Variants in MAP2K1 observed in about 807,000 individuals in gnomAD.
MAP2K1 encodes the protein mitogen-activated protein kinase kinase 1.
Under a neutral mutation model 46.3 loss-of-function variants are expected in MAP2K1, and 16 were observed. The ratio of observed to expected loss-of-function variants is 0.35; its 90% confidence interval spans 0.23 to 0.52. MAP2K1 has a LOEUF of 0.52. MAP2K1 is among the 20% of genes least tolerant of loss of function. The pLI, the probability that MAP2K1 is intolerant of heterozygous loss-of-function variation, is 0.94. For synonymous variants in MAP2K1, 183 were observed against 185.6 expected (o/e 0.99, Z 0.11); for missense variants, 263 against 497.1 (o/e 0.53, Z 4.48).
intron 1 of MAP2K1, among the ~76,000 whole-genome samples, chr15:66,392,021 G>A (rs2093357036): frequency 6.6e-6 from 1 of 152,172 alleles, no homozygotes; most frequent in Non-Finnish European, 1.5e-5. Flanking sequence ...GTAGATTGGA[G>A]TCCTTTAGGG....
chr15:66,463,446 C>T, intron 5 of MAP2K1, among the ~76,000 whole-genome samples: 1 of 152,174 alleles, frequency 6.6e-6, no homozygotes, highest in East Asian at 1.9e-4. Context: ...CTCAGGAGGT[C>T]CTGACAACAT....
chr15:66,490,285 C>G (rs1264349735), intron 10 of MAP2K1: 2 of 680,768 alleles, frequency 2.9e-6, no homozygotes, highest in Non-Finnish European at 5.4e-6. Flanking sequence ...GAGTAGGCTC[C>G]AAGAGGTGAC....
At chr15:66,465,841 G>A (rs1339845912) in intron 5 of MAP2K1, among the ~76,000 whole-genome samples, 2 of 152,190 alleles carry the variant, frequency 1.3e-5, no homozygotes, top group African/African-American at 2.4e-5. Flanking sequence ...AGTACAGTAA[G>A]AATAATTATT....
intron 1 of MAP2K1, among the ~76,000 whole-genome samples, chr15:66,421,529 A>G (rs903692273): frequency 6.6e-6 from 1 of 151,608 alleles, no homozygotes; most frequent in Non-Finnish European, 1.5e-5. Context: ...CGCTGGGTGC[A>G]GTGGTTCACG....
chr15:66,417,800 C>G (rs889445205), intron 1 of MAP2K1, among the ~76,000 whole-genome samples: 1 of 152,090 alleles, frequency 6.6e-6, no homozygotes, highest in Non-Finnish European at 1.5e-5. Flanking sequence ...AAGGGGGAAG[C>G]AAGTCTGGAG....
intron 5 of MAP2K1, among the ~76,000 whole-genome samples, chr15:66,467,126 C>T (rs913488199): frequency 3.3e-5 from 5 of 151,886 alleles, no homozygotes; most frequent in African/African-American, 4.8e-5. Flanking sequence ...CCCAGTTACT[C>T]GAGAGGCTGA....
chr15:66,468,084 A>G (rs1448544262), intron 5 of MAP2K1, among the ~76,000 whole-genome samples: 2 of 152,254 alleles, frequency 1.3e-5, no homozygotes, highest in Non-Finnish European at 2.9e-5. Flanking sequence ...TAAACTTGAG[A>G]AAACATTTGA....
At chr15:66,474,701 C>G (rs1567022502) in intron 5 of MAP2K1, among the ~76,000 whole-genome samples, 1 of 152,124 alleles carries the variant, frequency 6.6e-6, no homozygotes, top group Non-Finnish European at 1.5e-5. Context: ...CGTTAACTCC[C>G]TGTGCCACCC....
intron 1 of MAP2K1, among the ~76,000 whole-genome samples, chr15:66,423,891 G>A (rs1488105937): frequency 1.3e-5 from 2 of 151,948 alleles, no homozygotes; most frequent in Non-Finnish European, 2.9e-5. Context: ...ACAGGTGTGA[G>A]CCACTGTGCC....
intron 1 of MAP2K1, among the ~76,000 whole-genome samples, chr15:66,412,774 C>G (rs2093414498): frequency 6.6e-6 from 1 of 152,162 alleles, no homozygotes; most frequent in African/African-American, 2.4e-5. Context: ...TGCACTGCAG[C>G]CTGAAACTCC....
At chr15:66,467,543 CTT>C (rs1462796693) in intron 5 of MAP2K1, among the ~76,000 whole-genome samples, 8 of 152,148 alleles carry the variant, frequency 5.3e-5, no homozygotes, top group African/African-American at 1.9e-4. Context: ...ATGTCAGTCT[CTT>C]TCAATATTTA....
intron 1 of MAP2K1, among the ~76,000 whole-genome samples, chr15:66,430,983 A>G (rs957029641): frequency 6.6e-6 from 1 of 152,202 alleles, no homozygotes; most frequent in Non-Finnish European, 1.5e-5. Context: ...TTAGACAGCC[A>G]TGATGCAGAA....
chr15:66,459,897 A>G (rs1273858178), intron 5 of MAP2K1, among the ~76,000 whole-genome samples: 1 of 152,216 alleles, frequency 6.6e-6, no homozygotes, highest in Non-Finnish European at 1.5e-5. Flanking sequence ...GCAAGGAACT[A>G]TGCTGCCTCT....
At chr15:66,481,994 G>A (rs1254536872) in intron 6 of MAP2K1, 115 bp downstream of exon 6, 27 of 1,302,594 alleles carry the variant, frequency 2.1e-5, no homozygotes, top group Non-Finnish European at 2.9e-5. Flanking sequence ...AAGAAGTGAG[G>A]GAGGAGGCAC....
chr15:66,401,718 T>G (rs1352701149), intron 1 of MAP2K1: 1 of 151,592 alleles, frequency 6.6e-6, no homozygotes, highest in African/African-American at 2.4e-5. Context: ...GAGGAGGGAG[T>G]GTGCGCATCC....
chr15:66,447,890 C>T (rs963230356), intron 5 of MAP2K1, among the ~76,000 whole-genome samples: 3 of 150,880 alleles, frequency 2.0e-5, no homozygotes, highest in Non-Finnish European at 3.0e-5. Flanking sequence ...GTGGCTCACA[C>T]CTATAATCCC....
intron 1 of MAP2K1, among the ~76,000 whole-genome samples, chr15:66,415,785 T>C (rs1028906220): frequency 6.6e-6 from 1 of 152,240 alleles, no homozygotes; most frequent in African/African-American, 2.4e-5. Context: ...AAACATACTA[T>C]ATATATTCAC....
In MAP2K1 at chr15:66,444,822, A is replaced by G. The variant is rs1212918125; in HGVS notation, c.568+115A>G. On this transcript the variant is annotated intron_variant, in intron 5 of 10. Transcript: ENST00000307102. Reference sequence around the variant, plus strand: ...TGTAAAAGCCTTTTAATAACATGTTAAATCTTTTATTAAAAGTCTTTGTTT... The same window carrying G: ...TGTAAAAGCCTTTTAATAACATGTTGAATCTTTTATTAAAAGTCTTTGTTT... 1.6e-5 allele frequency: 14 copies of G among 884,604 alleles called. 2 individuals are homozygous for G. Among genetic ancestry groups the G allele is most frequent in the South Asian group, 1.4e-4 (10 of 71,118 alleles). The allele number at this position is 884,604 out of a possible 1,614,324, so 54.8% of individuals were successfully genotyped here. A position where few individuals can be genotyped will look rare whatever the true frequency, so the allele number is the denominator to read the frequency against.
intron 5 of MAP2K1, among the ~76,000 whole-genome samples, chr15:66,473,522 CAA>C (rs894674177): frequency 1.3e-5 from 2 of 151,396 alleles, no homozygotes; most frequent in East Asian, 1.9e-4. Context: ...GCACTCCAGC[CAA>C]AAAAAAGAGT....
Sources: allele counts gnomAD v4.1 joint callset (sites outside exome capture counted in the v4.1 genomes callset), GRCh38; gene constraint gnomAD v4.1.1; transcripts MANE v1.5; gene names NCBI Gene and HGNC (gene_info 2026-07-23, HGNC 2026-07-21).